Variants in EVI2B observed in about 807,000 individuals in gnomAD.
EVI2B encodes the protein ecotropic viral integration site 2B.
Under a neutral mutation model 6.6 loss-of-function variants are expected in EVI2B, and 4 were observed. That is an observed-to-expected ratio of 0.61 (90% CI 0.30 to 1.39). EVI2B has a LOEUF of 1.39. Among genes scored for constraint, EVI2B ranks in the 40% most tolerant of loss-of-function variants. EVI2B has a pLI of 0.08. For missense variants in EVI2B, 484 were observed against 516.6 expected, an observed-to-expected ratio of 0.94 and a Z score of 0.61; for synonymous variants, 181 against 186.8, an observed-to-expected ratio of 0.97 and a Z score of 0.25.
rs112019967 is a variant in EVI2B, at chr17:31,312,922, A to G, written c.-22+1057T>C. 8.4e-3 allele frequency among the ~76,000 whole-genome samples: 1,285 copies of G among 152,204 alleles called. 26 individuals carry two copies. Among genetic ancestry groups the G allele is most frequent in the African/African-American group, 0.03 (1,226 of 41,548 alleles). On this transcript the variant is annotated intron_variant, in intron 1 of 1. Transcript: ENST00000330927. ...CTTTTATGCATATTAACAATTTTCTATTGTTTATTCTATAGGTTTCTTCTA... is the reference window on the plus strand; with the variant it reads ...CTTTTATGCATATTAACAATTTTCTGTTGTTTATTCTATAGGTTTCTTCTA...
Position 31,304,133 on chromosome 17 carries a change from G to T in EVI2B, c.*130C>A. On this transcript the variant is annotated 3_prime_UTR_variant, in exon 2 of 2. Transcript: ENST00000330927. Reference sequence around the variant, plus strand: ...AGTTTCATCTATGCACATAGGCTCTGAGCAGATTTCAGATAGTTCCTGAAT... The same window carrying T: ...AGTTTCATCTATGCACATAGGCTCTTAGCAGATTTCAGATAGTTCCTGAAT... 3 of 927,446 alleles carry T rather than the reference G, an allele frequency of 3.2e-6. No individual in the cohort carries two copies. The highest frequency in any genetic ancestry group is 4.8e-6 in the Non-Finnish European group (3 of 625,492). The allele number at this position is 927,446 out of a possible 1,614,324, so 57.5% of individuals were successfully genotyped here. A position where few individuals can be genotyped will look rare whatever the true frequency, so the allele number is the denominator to read the frequency against.
rs1252629658 is a variant in EVI2B, at chr17:31,305,521, T to C, written c.89A>G (p.Lys30Arg). The change falls in exon 2 of 2, where the codon AAG becomes AGG. Residue 30 changes from lysine to arginine, a missense_variant. Transcript: ENST00000330927. ...FSKTETITTE[K>R]QSQPTLFTSS... The stretch of plus-strand genomic sequence containing the variant: ...TGTGAATAAGGTAGGCTGTGACTGC[T>C]TCTCTGTTGTAATTGTCTCTGTCTT... The C allele has an allele frequency of 6.2e-7, 1 of 1,614,208 alleles. No individual in the cohort carries two copies. Among genetic ancestry groups the C allele is most frequent in the Non-Finnish European group, 8.5e-7 (1 of 1,180,018 alleles).
At chr17:31,309,802 C>G (rs1183326268) in intron 1 of EVI2B, among the ~76,000 whole-genome samples, 1 of 152,174 alleles carries the variant, frequency 6.6e-6, no homozygotes, top group Non-Finnish European at 1.5e-5. Flanking sequence ...CAGTAGTAAG[C>G]TGGTGGAACC....
Position 31,305,201 on chromosome 17 carries a change from G to A in EVI2B, c.409C>T (p.Gln137Ter), listed in dbSNP as rs189487006. The change falls in exon 2 of 2, where the codon CAA becomes TAA. Residue 137 changes from glutamine (Q) to a stop codon, truncating the protein, a stop_gained. Coordinates refer to ENST00000330927, the MANE Select transcript of EVI2B (RefSeq NM_006495.4). LOFTEE classifies it low-confidence loss of function (END_TRUNC). ...QLPSARTSTT[Q>*]PPKSFVYTFT... The stretch of plus-strand genomic sequence containing the variant: ...GTATAGACAAATGACTTTGGTGGTT[G>A]TGTGGTAGAAGTACGGGCAGATGGT... 6.2e-7 allele frequency: 1 copy of A among 1,614,202 alleles called. No homozygotes were observed. The highest frequency in any genetic ancestry group is 1.3e-5 in the African/African-American group (1 of 75,054).
chr17:31,308,633 T>C, intron 1 of EVI2B, among the ~76,000 whole-genome samples: 1 of 107,988 alleles, frequency 9.3e-6, no homozygotes, highest in Non-Finnish European at 2.4e-5. Context: ...CTCAAGGGTG[T>C]TCTTTTTTTT....
intron 1 of EVI2B, among the ~76,000 whole-genome samples, chr17:31,312,818 A>G (rs187936896): frequency 6.6e-5 from 10 of 152,206 alleles, no homozygotes; most frequent in Admixed American, 6.5e-4. Flanking sequence ...CACTATGAAC[A>G]TATTATTCCC....
At chr17:31,307,435 A>G (rs114759920) in intron 1 of EVI2B, among the ~76,000 whole-genome samples, 3,928 of 152,334 alleles carry the variant, frequency 0.026, 188 homozygotes, top group African/African-American at 0.089. Context: ...TTAAAAGTCT[A>G]TAAAAACTAA....
At position 31,304,093 on chromosome 17, in the gene EVI2B, C is replaced by CT. The variant is rs199724907; in HGVS notation, c.*169dup. Reference sequence around the variant, plus strand: ...TAGTAAATAGATTACTGTTAAATAACTTTTTTTAAAAAAAAGTTTCATCTA... The same window carrying CT: ...TAGTAAATAGATTACTGTTAAATAACTTTTTTTTAAAAAAAAGTTTCATCTA... On this transcript the variant is annotated 3_prime_UTR_variant, in exon 2 of 2. Transcript: ENST00000330927. 3.8e-5 allele frequency: 22 copies of CT among 578,386 alleles called. No individual in the cohort carries two copies. The highest frequency in any genetic ancestry group is 4.9e-5 in the Non-Finnish European group (17 of 343,900). 35.8% of individuals were successfully genotyped at this position (578,386 alleles called of 1,614,324 possible). A position where few individuals can be genotyped will look rare whatever the true frequency, so the allele number is the denominator to read the frequency against.
chr17:31,314,011 A>G lies in EVI2B; in HGVS notation c.-54T>C. 2 of 398,180 alleles carry G rather than the reference A, an allele frequency of 5.0e-6. No homozygotes were observed. The highest frequency in any genetic ancestry group is 8.9e-6 in the Non-Finnish European group (2 of 225,822). The allele number at this position is 398,180 out of a possible 1,614,324, so 24.7% of individuals were successfully genotyped here. A position where few individuals can be genotyped will look rare whatever the true frequency, so the allele number is the denominator to read the frequency against. ...GTTAACTTCTTTTGCAGAATGCTAAATTCTTGTTCTAACTGGACATTTTGG... is the reference window on the plus strand; with the variant it reads ...GTTAACTTCTTTTGCAGAATGCTAAGTTCTTGTTCTAACTGGACATTTTGG... On this transcript the variant is annotated 5_prime_UTR_variant, in exon 1 of 2. Coordinates refer to ENST00000330927, the MANE Select transcript of EVI2B (RefSeq NM_006495.4).
rs148714097 is a variant in EVI2B, at chr17:31,303,839, A to G, written c.*424T>C. ...GGAATATTTATTTAATACTTGAGGT[A>G]TTAATTTAAAACTTGAAGCATATAC... On this transcript the variant is annotated 3_prime_UTR_variant, in exon 2 of 2. Transcript: ENST00000330927. 1.3e-5 allele frequency: 2 copies of G among 153,150 alleles called. No homozygotes were observed. Among genetic ancestry groups the G allele is most frequent in the African/African-American group, 4.8e-5 (2 of 41,574 alleles). The allele number at this position is 153,150 out of a possible 1,614,324, so 9.5% of individuals were successfully genotyped here. A position where few individuals can be genotyped will look rare whatever the true frequency, so the allele number is the denominator to read the frequency against.
rs2068664018 is a variant in EVI2B at position 31,304,803 on chromosome 17, G to C, written c.807C>G (p.Ile269Met). ...TTGGTTTCCAGGGTGTAAGTGAAAT[G>C]ATTGATGTACGTTTTGTGGATATTT... ...ENEISTKRTS[I>M]ISLTPWKPSK... is the part of the protein sequence containing the mutation. The change falls in exon 2 of 2, where the codon ATC (isoleucine) becomes ATG (methionine). Residue 269 changes from isoleucine to methionine, a missense_variant. Ile to Met is a conservative substitution (Grantham distance 10, BLOSUM62 1). Transcript: ENST00000330927. The C allele has an allele frequency of 6.2e-7, 1 of 1,613,874 alleles. No individual in the cohort carries two copies. Among genetic ancestry groups the C allele is most frequent in the Non-Finnish European group, 8.5e-7 (1 of 1,180,006 alleles).
intron 1 of EVI2B, among the ~76,000 whole-genome samples, chr17:31,307,495 C>T (rs963673807): frequency 1.3e-5 from 2 of 152,164 alleles, no homozygotes; most frequent in Non-Finnish European, 2.9e-5. Flanking sequence ...GAAAATAAGG[C>T]ACATATGAAA....
At chr17:31,312,595 T>C (rs2068907015) in intron 1 of EVI2B, among the ~76,000 whole-genome samples, 1 of 151,900 alleles carries the variant, frequency 6.6e-6, no homozygotes, top group South Asian at 2.1e-4. Flanking sequence ...TTTAATTTTA[T>C]GAAATATGAC....
intron 1 of EVI2B, among the ~76,000 whole-genome samples, chr17:31,309,815 C>T (rs1205242280): frequency 6.6e-6 from 1 of 152,154 alleles, no homozygotes; most frequent in Non-Finnish European, 1.5e-5. Flanking sequence ...GTGGAACCCT[C>T]CATGTATGAG....
chr17:31,309,225 T>C (rs2068807101), intron 1 of EVI2B, among the ~76,000 whole-genome samples: 1 of 152,234 alleles, frequency 6.6e-6, no homozygotes, highest in Non-Finnish European at 1.5e-5. Context: ...TATTTTGATT[T>C]CTTTGTAGTT....
chr17:31,313,637 TG>T (rs2068941337), intron 1 of EVI2B, among the ~76,000 whole-genome samples: 1 of 145,880 alleles, frequency 6.9e-6, no homozygotes, highest in Non-Finnish European at 1.5e-5. Flanking sequence ...ACCCAGGAGG[TG>T]GAGGTTGCAG....
In EVI2B at chr17:31,304,794, A is replaced by G. The variant is rs1457528213; in HGVS notation, c.816T>C (p.Leu272=). The change falls in exon 2 of 2, where the codon CTT becomes CTC. Residue 272 remains leucine, a synonymous_variant. Coordinates refer to ENST00000330927, the MANE Select transcript of EVI2B (RefSeq NM_006495.4). ...TGCTTTTGCTTGGTTTCCAGGGTGT[A>G]AGTGAAATGATTGATGTACGTTTTG... The part of the protein sequence containing the change: ...ISTKRTSIIS[L]TPWKPSKSTL... 3.7e-6 allele frequency: 6 copies of G among 1,613,906 alleles called. No homozygotes were observed. The highest frequency in any genetic ancestry group is 5.1e-6 in the Non-Finnish European group (6 of 1,180,012).
At position 31,304,387 on chromosome 17, in the gene EVI2B, A is replaced by G. The variant is rs564846325; in HGVS notation, c.1223T>C (p.Val408Ala). ...LDSLNLPLPP[V>A]DFMKNQEDSN... ...ATCTTCTTGGTTTTTCATAAAATCT[A>G]CTGGTGGCAGGGGCAAGTTAAGTGA... Residue 408 changes from valine to alanine, a missense_variant, in exon 2 of 2, where the codon GTA becomes GCA. Coordinates refer to ENST00000330927, the MANE Select transcript of EVI2B (RefSeq NM_006495.4). The G allele has an allele frequency of 3.4e-5, 55 of 1,614,130 alleles. No individual in the cohort carries two copies. In the South Asian group the frequency reaches 5.3e-4, roughly 15 times the overall value.
intron 1 of EVI2B, 103 bp from the exon 2 acceptor site, chr17:31,305,733 A>G (rs1338416422): frequency 1.1e-6 from 1 of 899,404 alleles, no homozygotes; most frequent in Non-Finnish European, 1.7e-6. Context: ...GTAGGTAGAC[A>G]TTATTCCTAA....
Sources: gnomAD v4.1 joint callset for allele counts (sites outside exome capture counted in the v4.1 genomes callset) on GRCh38, gnomAD v4.1.1 for gene constraint, MANE v1.5 for transcripts, NCBI Gene and HGNC (gene_info 2026-07-23, HGNC 2026-07-21) for gene names.